Variants in SGCZ observed in about 807,000 individuals in gnomAD.
SGCZ encodes zeta-sarcoglycan.
A neutral mutation model predicts 41.3 loss-of-function variants in SGCZ; 40 were observed. The observed-to-expected ratio is 0.97, with a 90% CI of 0.75 to 1.26. The LOEUF (loss-of-function observed/expected upper bound fraction) is 1.26. Ranked by LOEUF, SGCZ falls within the 50% of genes most tolerant of loss-of-function variation. SGCZ has a pLI of 0.00. For missense variants in SGCZ, 552 were observed against 369.8 expected (o/e 1.49, Z -4.04); for synonymous variants, 206 against 137.5 (o/e 1.50, Z -3.49).
chr8:14,958,371 G>A (rs1389095617), intron 1 of SGCZ, among the ~76,000 whole-genome samples: 2 of 151,988 alleles, frequency 1.3e-5, no homozygotes, highest in African/African-American at 2.4e-5. Context: ...AAAGGTTGTG[G>A]TATGTTCATA....
rs149550549 is a variant in SGCZ at position 14,474,403 on chromosome 8, G to C, written c.234+80329C>G. On this transcript the variant is annotated intron_variant, in intron 2 of 7. Transcript: ENST00000382080. ...CAGAAACACACACACATATATGTGA[G>C]CACACACATAAACTTGTGTGTTCAC... Among the ~76,000 whole-genome samples the C allele has an allele frequency of 1.8e-3, 268 of 152,274 alleles. 7 individuals are homozygous for C. The East Asian group carries it at 0.037, about 21-fold the overall frequency.
intron 1 of SGCZ, among the ~76,000 whole-genome samples, chr8:14,698,381 A>C (rs1809032796): frequency 6.6e-6 from 1 of 151,936 alleles, no homozygotes. Flanking sequence ...GTTTAGCTCC[A>C]AGTTAAACTT....
chr8:15,162,071 A>T (rs1799527126), intron 1 of SGCZ, among the ~76,000 whole-genome samples: 1 of 152,320 alleles, frequency 6.6e-6, no homozygotes, highest in Admixed American at 6.5e-5. Context: ...CTGTAAACAG[A>T]ATCAGTTTCT....
chr8:15,186,231 C>T (rs1189787265), intron 1 of SGCZ, among the ~76,000 whole-genome samples: 1 of 132,604 alleles, frequency 7.5e-6, no homozygotes, highest in Non-Finnish European at 1.5e-5. Context: ...CACTGCACTC[C>T]AGCCTGGGCA....
At chr8:14,269,486 C>G (rs547355612) in intron 3 of SGCZ, among the ~76,000 whole-genome samples, 2 of 152,054 alleles carry the variant, frequency 1.3e-5, no homozygotes, top group South Asian at 4.2e-4. Context: ...ATATGCAGCC[C>G]TCTGAAGACA....
chr8:14,141,504 A>G (rs1056073850), intron 5 of SGCZ, among the ~76,000 whole-genome samples: 1 of 152,230 alleles, frequency 6.6e-6, no homozygotes, highest in Non-Finnish European at 1.5e-5. Context: ...AACTGGGCAA[A>G]GGATATGAAC....
chr8:14,142,180 T>A (rs368523776), intron 5 of SGCZ, among the ~76,000 whole-genome samples: 1 of 151,742 alleles, frequency 6.6e-6, no homozygotes, highest in Non-Finnish European at 1.5e-5. Flanking sequence ...GGTGGAGGCA[T>A]GGGGGAGGGA....
chr8:14,982,472 C>A (rs1801699876), intron 1 of SGCZ, among the ~76,000 whole-genome samples: 1 of 152,136 alleles, frequency 6.6e-6, no homozygotes, highest in Non-Finnish European at 1.5e-5. Context: ...TATCAATGGG[C>A]TTTGGAGTCA....
chr8:15,147,367 C>T (rs1368207329), intron 1 of SGCZ, among the ~76,000 whole-genome samples: 1 of 152,176 alleles, frequency 6.6e-6, no homozygotes, highest in African/African-American at 2.4e-5. Flanking sequence ...CAACCTCCGC[C>T]TCCCGGGTTC....
At position 15,188,050 on chromosome 8, in the gene SGCZ, T is replaced by C. The variant is rs188848545; in HGVS notation, c.39+49535A>G. Among the ~76,000 whole-genome samples the C allele has an allele frequency of 9.9e-5, 15 of 152,126 alleles. No homozygotes were observed. The East Asian group carries it at 2.9e-3, about 29-fold the overall frequency. ...ACACATTATTCTTTTTATGGACACATATATTAATGTATGCTCGTTTAATTT... is the reference window on the plus strand; with the variant it reads ...ACACATTATTCTTTTTATGGACACACATATTAATGTATGCTCGTTTAATTT... On this transcript the variant is annotated intron_variant, in intron 1 of 7. Transcript: ENST00000382080.
intron 1 of SGCZ, among the ~76,000 whole-genome samples, chr8:14,962,466 T>C (rs1043281957): frequency 6.6e-6 from 1 of 152,202 alleles, no homozygotes; most frequent in Non-Finnish European, 1.5e-5. Context: ...TTTTTATTTA[T>C]AGATACAATA....
At chr8:14,936,266 C>G (rs1391838093) in intron 1 of SGCZ, among the ~76,000 whole-genome samples, 1 of 151,752 alleles carries the variant, frequency 6.6e-6, no homozygotes, top group Non-Finnish European at 1.5e-5. Context: ...TCTGATAAAC[C>G]CATCATAATT....
chr8:14,334,028 G>C (rs1270283078), intron 2 of SGCZ, among the ~76,000 whole-genome samples: 1 of 151,984 alleles, frequency 6.6e-6, no homozygotes, highest in African/African-American at 2.4e-5. Flanking sequence ...TAAAAAATGA[G>C]CCAGGGAGGT....
intron 3 of SGCZ, among the ~76,000 whole-genome samples, chr8:14,253,283 G>T (rs1331032493): frequency 6.8e-6 from 1 of 147,004 alleles, no homozygotes; most frequent in Non-Finnish European, 1.5e-5. Flanking sequence ...TATCAGTCAG[G>T]AAGAAGTGTT....
chr8:14,455,617 AG>A (rs1800721065), intron 2 of SGCZ, among the ~76,000 whole-genome samples: 1 of 152,214 alleles, frequency 6.6e-6, no homozygotes, highest in Admixed American at 6.5e-5. Flanking sequence ...CTACTTTAAA[AG>A]CATACCCCAA....
At chr8:14,296,872 A>C (rs2116960315) in intron 3 of SGCZ, among the ~76,000 whole-genome samples, 1 of 152,308 alleles carries the variant, frequency 6.6e-6, no homozygotes, top group East Asian at 1.9e-4. Context: ...ATTATTTGTA[A>C]ACAGATACAA....
At chr8:14,639,064 T>G (rs1806932039) in intron 1 of SGCZ, among the ~76,000 whole-genome samples, 1 of 150,688 alleles carries the variant, frequency 6.6e-6, no homozygotes, top group Non-Finnish European at 1.5e-5. Context: ...TGTCTTTTTT[T>G]GAGAGGGAAT....
chr8:14,571,403 T>G (rs1319451031), intron 1 of SGCZ, among the ~76,000 whole-genome samples: 1 of 152,184 alleles, frequency 6.6e-6, no homozygotes, highest in Non-Finnish European at 1.5e-5. Context: ...AGTCACTGTT[T>G]TTAGCAACAC....
intron 2 of SGCZ, among the ~76,000 whole-genome samples, chr8:14,374,358 A>C (rs923240932): frequency 6.6e-6 from 1 of 152,208 alleles, no homozygotes; most frequent in Non-Finnish European, 1.5e-5. Flanking sequence ...GAAAGAAAAA[A>C]AGATGATTTG....
Sources: gnomAD v4.1 joint callset for allele counts (sites outside exome capture counted in the v4.1 genomes callset) on GRCh38, gnomAD v4.1.1 for gene constraint, MANE v1.5 for transcripts, NCBI Gene and HGNC (gene_info 2026-07-23, HGNC 2026-07-21) for gene names.